Variants in UNC79 observed in about 807,000 individuals in gnomAD.
The protein encoded by UNC79 is protein unc-79 homolog.
Under a neutral mutation model 283.1 loss-of-function variants are expected in UNC79, and 37 were observed. The ratio of observed to expected loss-of-function variants is 0.13; its 90% confidence interval spans 0.10 to 0.17. The LOEUF is 0.17. Among genes scored for constraint, UNC79 ranks in the 10% least tolerant of loss-of-function variants. The probability of loss-of-function intolerance (pLI) is 1.00; values close to 1 mark genes in which losing one functional copy is unlikely to be tolerated. For missense variants in UNC79, 2,272 were observed against 3,211.1 expected, an observed-to-expected ratio of 0.71 and a Z score of 7.07; for synonymous variants, 1,107 against 1,200.2, an observed-to-expected ratio of 0.92 and a Z score of 1.61.
intron 1 of UNC79, chr14:93,348,113 G>A (rs2053905577): frequency 6.3e-7 from 1 of 1,580,904 alleles, no homozygotes; most frequent in Non-Finnish European, 8.7e-7. Context: ...CAGTTCAGAA[G>A]GAATTAGATG....
At chr14:93,637,217 A>G (rs1462754081) in exon 32 of UNC79, 2 of 1,175,532 alleles carry the variant, frequency 1.7e-6, no homozygotes, top group Non-Finnish European at 2.6e-6. Flanking sequence ...TATCCACAGA[A>G]CAGATACAGC....
intron 1 of UNC79, among the ~76,000 whole-genome samples, chr14:93,459,298 G>GAA (rs1393124739): frequency 2.6e-5 from 4 of 152,208 alleles, no homozygotes; most frequent in Non-Finnish European, 5.9e-5. Flanking sequence ...GATGAGCCTT[G>GAA]AAGGGTGAAA....
rs1205210121 is a variant in UNC79 at position 93,550,514 on chromosome 14, C to CA, written c.1755+7845dup. ...TGGGAGACAGAGCAAGACTCCGTAT[C>CA]AAAAAAAAAAAAAAAAAAAAAAAAA... On this transcript the variant is annotated intron_variant, in intron 14 of 48. Coordinates refer to ENST00000555664, the Ensembl canonical transcript of UNC79. 3.0e-3 allele frequency among the ~76,000 whole-genome samples: 58 copies of CA among 19,192 alleles called. No individual in the cohort carries two copies. The East Asian group carries it at 0.036, about 12-fold the overall frequency. 12.6% of individuals were successfully genotyped at this position (19,192 alleles called of 152,430 possible). A position where few individuals can be genotyped will look rare whatever the true frequency, so the allele number is the denominator to read the frequency against.
chr14:93,668,111 T>C (rs993055152), intron 40 of UNC79, among the ~76,000 whole-genome samples: 14 of 152,196 alleles, frequency 9.2e-5, no homozygotes, highest in South Asian at 2.1e-4. Flanking sequence ...AGAAAGTCTA[T>C]CATCACTGTT....
At chr14:93,464,626 G>C (rs374697307) in intron 1 of UNC79, 11 of 455,582 alleles carry the variant, frequency 2.4e-5, no homozygotes, top group Non-Finnish European at 4.0e-5. Context: ...GGGTGGCCCC[G>C]GGGGGAGTTT....
intron 1 of UNC79, among the ~76,000 whole-genome samples, chr14:93,400,957 A>G (rs966864117): frequency 2.3e-4 from 35 of 152,212 alleles, no homozygotes; most frequent in African/African-American, 8.0e-4. Context: ...TGAGAATTCA[A>G]GTCTGGATAA....
chr14:93,539,957 G>A (rs969576441), intron 12 of UNC79, among the ~76,000 whole-genome samples: 2 of 152,022 alleles, frequency 1.3e-5, no homozygotes, highest in Admixed American at 6.6e-5. Flanking sequence ...TATAAGTAAC[G>A]CTTTGAGAAA....
At chr14:93,640,429 G>A (rs902456121) in intron 32 of UNC79, among the ~76,000 whole-genome samples, 1 of 152,210 alleles carries the variant, frequency 6.6e-6, no homozygotes, top group Non-Finnish European at 1.5e-5. Context: ...AGGATCTTGA[G>A]ACAAGCCCAG....
intron 1 of UNC79, among the ~76,000 whole-genome samples, chr14:93,347,697 T>C (rs974486633): frequency 6.6e-6 from 1 of 152,256 alleles, no homozygotes; most frequent in Admixed American, 6.5e-5. Flanking sequence ...GGGGCGGGGC[T>C]GTGGTTTCGC....
chr14:93,680,565 G>C (rs995109489), intron 41 of UNC79, among the ~76,000 whole-genome samples: 2 of 152,126 alleles, frequency 1.3e-5, no homozygotes, highest in Non-Finnish European at 2.9e-5. Flanking sequence ...GTTTGTCTTA[G>C]ACTGAAGACT....
In UNC79 at chr14:93,358,231, A is replaced by G. The variant is rs1043623698; in HGVS notation, c.-351+24708A>G. ...GTTATGCAAAATAAATGCATTTGAC[A>G]CCCCTGAGAGGCAAGGAGTTTAGTG... is the stretch of plus-strand genomic sequence containing the variant. On this transcript the variant is annotated intron_variant, in intron 1 of 49. Coordinates refer to the UNC79 transcript ENST00000256339. Among the ~76,000 whole-genome samples, 8 of 152,122 alleles carry G rather than the reference A, an allele frequency of 5.3e-5. No individual in the cohort carries two copies. In the East Asian group the frequency reaches 1.5e-3, roughly 29 times the overall value.
At position 93,333,259 on chromosome 14, in the gene UNC79, G is replaced by T. The variant is rs2053494859; in HGVS notation, c.-615G>T. ...CTGGGAGCCGGGCGTCGGGTCGCTG[G>T]GAGTTTGCCTCTTGTGGCAGCATCC... On this transcript the variant is annotated 5_prime_UTR_variant, in exon 1 of 50. Transcript: ENST00000256339. 7.5e-6 allele frequency: 3 copies of T among 402,188 alleles called. No individual in the cohort carries two copies. The Admixed American group carries it at 1.3e-4, about 18-fold the overall frequency. The allele number at this position is 402,188 out of a possible 1,614,324, so 24.9% of individuals were successfully genotyped here.
chr14:93,505,126 A>G (rs906125893), intron 7 of UNC79, among the ~76,000 whole-genome samples: 2 of 152,092 alleles, frequency 1.3e-5, no homozygotes, highest in Admixed American at 6.5e-5. Flanking sequence ...AAGAACTTCT[A>G]TTTGGCAGTT....
chr14:93,494,595 C>T (rs2058932188), intron 5 of UNC79, among the ~76,000 whole-genome samples: 1 of 152,092 alleles, frequency 6.6e-6, no homozygotes, highest in African/African-American at 2.4e-5. Flanking sequence ...CACAAGTGTC[C>T]AGTGACCTTC....
chr14:93,655,351 A>C, exon 38 of UNC79: 1 of 1,614,162 alleles, frequency 6.2e-7, no homozygotes, highest in South Asian at 1.1e-5. Flanking sequence ...CTGGACCACA[A>C]TTAGCAACCA....
intron 1 of UNC79, among the ~76,000 whole-genome samples, chr14:93,460,516 A>G (rs1470716159): frequency 1.3e-5 from 2 of 151,810 alleles, no homozygotes; most frequent in South Asian, 2.1e-4. Flanking sequence ...CAAAAAAAAA[A>G]AAAAAAAAAA....
intron 2 of UNC79, among the ~76,000 whole-genome samples, chr14:93,472,799 A>G (rs2057587923): frequency 6.6e-6 from 1 of 152,148 alleles, no homozygotes. Flanking sequence ...ACATAGAGCA[A>G]CTGTAAAACA....
intron 1 of UNC79, chr14:93,348,004 A>G: frequency 6.9e-7 from 1 of 1,440,632 alleles, no homozygotes; most frequent in Non-Finnish European, 9.8e-7. Context: ...CATACTCAGC[A>G]GCGCGTGTCA....
At chr14:93,618,959 G>A (rs943492060) in intron 29 of UNC79, among the ~76,000 whole-genome samples, 5 of 152,114 alleles carry the variant, frequency 3.3e-5, no homozygotes, top group Non-Finnish European at 5.9e-5. Context: ...GGTGAGACAC[G>A]AAGAACCAGG....
Sources: allele counts gnomAD v4.1 joint callset (sites outside exome capture counted in the v4.1 genomes callset), GRCh38; gene constraint gnomAD v4.1.1; transcripts MANE v1.5; gene names NCBI Gene and HGNC (gene_info 2026-07-23, HGNC 2026-07-21).